ARHGAP28: variants seen among roughly 807,000 people sequenced by gnomAD.
The protein encoded by ARHGAP28 is rho GTPase-activating protein 28.
In ARHGAP28, 56 loss-of-function variants were observed where a neutral mutation model predicts 90.7. The ratio of observed to expected loss-of-function variants is 0.62; its 90% confidence interval spans 0.50 to 0.77. ARHGAP28 has a LOEUF of 0.77. Among genes scored for constraint, ARHGAP28 ranks in the 30% least tolerant of loss-of-function variants. ARHGAP28 has a pLI of 0.00. For missense variants in ARHGAP28, 869 were observed against 900.9 expected (o/e 0.96, Z 0.45); for synonymous variants, 308 against 323.3 (o/e 0.95, Z 0.51).
At chr18:6,879,030 G>T (rs2057156298) in intron 10 of ARHGAP28, among the ~76,000 whole-genome samples, 2 of 152,158 alleles carry the variant, frequency 1.3e-5, no homozygotes, top group Admixed American at 1.3e-4. Context: ...CTGGCTTTGT[G>T]CTTTAATTGC....
chr18:6,737,426 G>T (rs577252187), intron 1 of ARHGAP28, among the ~76,000 whole-genome samples: 2 of 152,164 alleles, frequency 1.3e-5, no homozygotes, highest in South Asian at 4.1e-4. Flanking sequence ...TCTTCAGGCA[G>T]CTCTGAAAGT....
chr18:6,838,735 T>G (rs76339341), intron 3 of ARHGAP28, among the ~76,000 whole-genome samples: 6,787 of 152,312 alleles, frequency 0.045, 155 homozygotes, highest in Non-Finnish European at 0.054. Flanking sequence ...TATATAATGA[T>G]ATAACTTATG....
At chr18:6,789,459 C>G (rs2143543221) in intron 1 of ARHGAP28, 1 of 152,296 alleles carries the variant, frequency 6.6e-6, no homozygotes, top group Middle Eastern at 3.4e-3. Flanking sequence ...CCTGTAATCC[C>G]AACTATTCGG....
At chr18:6,857,668 C>T (rs888544659) in intron 4 of ARHGAP28, among the ~76,000 whole-genome samples, 8 of 152,154 alleles carry the variant, frequency 5.3e-5, no homozygotes, top group African/African-American at 1.9e-4. Flanking sequence ...TCTTTTACAG[C>T]AGGAGGATGA....
chr18:6,778,680 T>G (rs1250879241), intron 1 of ARHGAP28, among the ~76,000 whole-genome samples: 4 of 152,206 alleles, frequency 2.6e-5, no homozygotes, highest in Non-Finnish European at 4.4e-5. Context: ...GGTGTTTTAC[T>G]TAATATTGGG....
intron 1 of ARHGAP28, among the ~76,000 whole-genome samples, chr18:6,763,014 A>G (rs992374891): frequency 3.9e-5 from 6 of 152,162 alleles, no homozygotes; most frequent in African/African-American, 1.4e-4. Context: ...CACCAAAACT[A>G]TACTGACCAT....
intron 2 of ARHGAP28, among the ~76,000 whole-genome samples, chr18:6,828,375 A>G (rs1340805450): frequency 1.4e-5 from 2 of 147,838 alleles, no homozygotes; most frequent in Non-Finnish European, 3.0e-5. Flanking sequence ...GGGGAGAGGG[A>G]GAGACAGAGG....
chr18:6,802,335 C>CTTT (rs35950139), intron 1 of ARHGAP28, among the ~76,000 whole-genome samples: 2,395 of 52,790 alleles, frequency 0.045, 680 homozygotes, highest in African/African-American at 0.091. Context: ...TATGGTAGTT[C>CTTT]TTTTTTTTTT....
chr18:6,792,708 C>T (rs1480337608), intron 1 of ARHGAP28, among the ~76,000 whole-genome samples: 4 of 152,202 alleles, frequency 2.6e-5, no homozygotes, highest in South Asian at 2.1e-4. Flanking sequence ...AACATAATGG[C>T]GCAGTAATCG....
At chr18:6,875,361 G>A (rs1600274499) in intron 9 of ARHGAP28, among the ~76,000 whole-genome samples, 1 of 152,248 alleles carries the variant, frequency 6.6e-6, no homozygotes, top group East Asian at 1.9e-4. Flanking sequence ...ATACCTAGAA[G>A]AATTACCTTA....
In ARHGAP28 at chr18:6,805,548, C is replaced by T. The variant is rs373886047; in HGVS notation, c.123-19214C>T. On this transcript the variant is annotated intron_variant, in intron 1 of 17. Coordinates refer to ENST00000383472, the MANE Select transcript of ARHGAP28 (RefSeq NM_001366230.1). The stretch of plus-strand genomic sequence containing the variant: ...TTGCCCAGGCTGGAGTGCAATGGCA[C>T]GATCTCAGCTCACTGCAACCTCTGC... Among the ~76,000 whole-genome samples, 11 of 140,106 alleles carry T rather than the reference C, an allele frequency of 7.9e-5. No homozygotes were observed. The East Asian group carries it at 8.7e-4, about 11-fold the overall frequency. 91.9% of individuals were successfully genotyped at this position (140,106 alleles called of 152,430 possible). A position where few individuals can be genotyped will look rare whatever the true frequency, so the allele number is the denominator to read the frequency against.
At position 6,772,546 on chromosome 18, in the gene ARHGAP28, A is replaced by T. The variant is rs193085815; in HGVS notation, c.122+42603A>T. Reference sequence around the variant, plus strand: ...TACAGTATTCAATACATTATATGAGATATTCAACACTTTATTATAAAATAA... The same window carrying T: ...TACAGTATTCAATACATTATATGAGTTATTCAACACTTTATTATAAAATAA... On this transcript the variant is annotated intron_variant, in intron 1 of 17. Transcript: ENST00000383472. Among the ~76,000 whole-genome samples, 95 of 152,310 alleles carry T rather than the reference A, an allele frequency of 6.2e-4. No individual in the cohort carries two copies. In the East Asian group the frequency reaches 0.015, roughly 25 times the overall value.
chr18:6,901,569 C>G (rs958175345), intron 16 of ARHGAP28, among the ~76,000 whole-genome samples: 2 of 150,694 alleles, frequency 1.3e-5, no homozygotes, highest in African/African-American at 4.9e-5. Context: ...AGCCCTTTAT[C>G]TCTGTGGTCT....
intron 3 of ARHGAP28, among the ~76,000 whole-genome samples, chr18:6,849,291 C>A (rs896315169): frequency 1.1e-4 from 16 of 147,268 alleles, no homozygotes; most frequent in African/African-American, 4.0e-4. Flanking sequence ...CCGGGGTAAG[C>A]GTGGTGCCAA....
At chr18:6,802,648 A>AT (rs1332717166) in intron 1 of ARHGAP28, among the ~76,000 whole-genome samples, 6 of 151,516 alleles carry the variant, frequency 4.0e-5, no homozygotes, top group South Asian at 4.2e-4. Context: ...TGCCCAGCCT[A>AT]TTTTTTTTGT....
chr18:6,793,661 G>A (rs550687548), intron 1 of ARHGAP28, among the ~76,000 whole-genome samples: 19 of 152,184 alleles, frequency 1.2e-4, no homozygotes, highest in East Asian at 3.9e-4. Context: ...TGGCAGTGAC[G>A]TTTAAAAGAT....
chr18:6,888,498 C>T (rs1418176352), intron 12 of ARHGAP28, among the ~76,000 whole-genome samples: 5 of 151,984 alleles, frequency 3.3e-5, no homozygotes, highest in Non-Finnish European at 7.4e-5. Context: ...TAATATATGT[C>T]GGTCATATTA....
intron 1 of ARHGAP28, among the ~76,000 whole-genome samples, chr18:6,734,659 C>T (rs1190583395): frequency 2.0e-5 from 3 of 152,014 alleles, no homozygotes; most frequent in Non-Finnish European, 4.4e-5. Flanking sequence ...TGGTACTTTC[C>T]TGGACTGAAA....
intron 1 of ARHGAP28, among the ~76,000 whole-genome samples, chr18:6,783,324 G>T (rs1241356537): frequency 2.1e-5 from 3 of 144,580 alleles, no homozygotes; most frequent in African/African-American, 5.1e-5. Flanking sequence ...TTTTTGAGAT[G>T]GAGTTTCGCT....
Sources: gnomAD v4.1 joint callset for allele counts (sites outside exome capture counted in the v4.1 genomes callset) on GRCh38, gnomAD v4.1.1 for gene constraint, MANE v1.5 for transcripts, NCBI Gene and HGNC (gene_info 2026-07-23, HGNC 2026-07-21) for gene names.